PLA1A: variants seen among roughly 807,000 people sequenced by gnomAD.
PLA1A encodes phospholipase A1 member A.
PLA1A carries 47 observed loss-of-function variants against 49.4 expected under a neutral mutation model. That is an observed-to-expected ratio of 0.95 (90% CI 0.75 to 1.21). The LOEUF is 1.21. Among genes scored for constraint, PLA1A ranks in the 50% most tolerant of loss-of-function variants. The pLI, the probability that PLA1A is intolerant of heterozygous loss-of-function variation, is 0.00. For missense variants in PLA1A, 561 were observed against 563.9 expected (o/e 0.99, Z 0.05); for synonymous variants, 224 against 207.9 (o/e 1.08, Z -0.67).
chr3:119,624,918 A>C (rs1286901613), intron 8 of PLA1A, among the ~76,000 whole-genome samples: 1 of 152,236 alleles, frequency 6.6e-6, no homozygotes, highest in Non-Finnish European at 1.5e-5. Flanking sequence ...GGCGTGAACC[A>C]CTGCGCCCAG....
intron 7 of PLA1A, among the ~76,000 whole-genome samples, chr3:119,618,764 G>A (rs768637056): frequency 2.0e-5 from 3 of 151,926 alleles, no homozygotes; most frequent in Non-Finnish European, 4.4e-5. Flanking sequence ...GGTTATCCAG[G>A]ATGAAGAGCT....
rs866621461 is a variant in PLA1A at position 119,625,041 on chromosome 3, C to T, written c.1013-83C>T. ...CACTAAGAGATAGAGCCAAGATTCC[C>T]AACCACACTGCTGCTCTCTGGGGTT... On this transcript the variant is annotated intron_variant, in intron 8 of 10. Coordinates refer to ENST00000273371, the MANE Select transcript of PLA1A (RefSeq NM_015900.4). The T allele has an allele frequency of 5.6e-5, 45 of 809,750 alleles. No homozygotes were observed. In the Middle Eastern group the frequency reaches 4.5e-3, roughly 81 times the overall value. 50.2% of individuals were successfully genotyped at this position (809,750 alleles called of 1,614,324 possible). A position where few individuals can be genotyped will look rare whatever the true frequency, so the allele number is the denominator to read the frequency against.
intron 1 of PLA1A, among the ~76,000 whole-genome samples, chr3:119,604,939 G>A (rs1261258811): frequency 6.6e-6 from 1 of 152,170 alleles, no homozygotes; most frequent in Admixed American, 6.5e-5. Context: ...ATTTTATTTA[G>A]ATGATATTGA....
At chr3:119,620,820 T>A (rs549139001) in intron 8 of PLA1A, among the ~76,000 whole-genome samples, 2 of 152,336 alleles carry the variant, frequency 1.3e-5, no homozygotes, top group East Asian at 3.9e-4. Flanking sequence ...CCTTATCAGC[T>A]CTTTCAACAA....
intron 5 of PLA1A, among the ~76,000 whole-genome samples, chr3:119,615,582 C>T (rs1337718346): frequency 2.0e-5 from 3 of 151,954 alleles, no homozygotes; most frequent in African/African-American, 4.8e-5. Context: ...GAGGCTGAGG[C>T]GGGTGGATCA....
At chr3:119,600,656 C>T (rs1202256813) in intron 1 of PLA1A, among the ~76,000 whole-genome samples, 1 of 152,200 alleles carries the variant, frequency 6.6e-6, no homozygotes, top group Non-Finnish European at 1.5e-5. Context: ...GGCTGCAGTC[C>T]TCATCTCTAC....
intron 8 of PLA1A, among the ~76,000 whole-genome samples, chr3:119,622,995 T>G (rs1466618427): frequency 6.6e-6 from 1 of 151,870 alleles, no homozygotes; most frequent in African/African-American, 2.4e-5. Context: ...CCCTGCTAAT[T>G]TTTTTGTATT....
chr3:119,619,728 G>T, intron 8 of PLA1A, 76 bp downstream of exon 8: 1 of 1,010,530 alleles, frequency 9.9e-7, no homozygotes. Context: ...TGGTAGCCTG[G>T]GTGGGAGTGA....
At position 119,628,738 on chromosome 3, in the gene PLA1A, C is replaced by T; in HGVS notation, c.1159C>T (p.His387Tyr). 1 of 1,614,064 alleles carries T rather than the reference C, an allele frequency of 6.2e-7. No individual in the cohort carries two copies. The highest frequency in any genetic ancestry group is 8.5e-7 in the Non-Finnish European group (1 of 1,179,932). ...ACGCTATGGGAAAGGAATCATAGCC[C>T]ATGCCACCCCACAATGCCAGATAAA... is the stretch of plus-strand genomic sequence containing the variant. ...QQRYGKGIIAHATPQCQINQV... is the reference protein window; with the variant it reads ...QQRYGKGIIAYATPQCQINQV... The change falls in exon 10 of 11, where the codon CAT (histidine) becomes TAT (tyrosine). Residue 387 changes from histidine to tyrosine, a missense_variant. By Grantham distance (83) the His-to-Tyr change is moderately conservative. Transcript: ENST00000273371.
intron 5 of PLA1A, among the ~76,000 whole-genome samples, chr3:119,614,553 C>A (rs568377328): frequency 7.4e-6 from 1 of 135,686 alleles, no homozygotes; most frequent in Non-Finnish European, 1.5e-5. Context: ...TTGCAGTGAG[C>A]GGAGATCTTG....
At position 119,625,237 on chromosome 3, in the gene PLA1A, G is replaced by A. The variant is rs749727842; in HGVS notation, c.1121+5G>A. The A allele has an allele frequency of 2.2e-5, 35 of 1,574,232 alleles. No homozygotes were observed. Among genetic ancestry groups the A allele is most frequent in the Middle Eastern group, 1.7e-4 (1 of 6,002 alleles). ...CTCTTCATCTAAGATCACCATGTAC[G>A]TAAGTGTCCCACCTGGTTGACTCCT... On this transcript the variant is annotated splice_donor_5th_base_variant and intron_variant, in intron 9 of 10. Coordinates refer to ENST00000273371, the MANE Select transcript of PLA1A (RefSeq NM_015900.4).
chr3:119,628,966 G>A, intron 10 of PLA1A, 101 bp downstream of exon 10: 2 of 943,192 alleles, frequency 2.1e-6, no homozygotes, highest in South Asian at 3.1e-5. Flanking sequence ...TCATCATAGT[G>A]ATTATCATCT....
In PLA1A at chr3:119,628,768, G is replaced by A. The variant is rs1230188556; in HGVS notation, c.1189G>A (p.Val397Met). ...HATPQCQINQ[V>M]KFKFQSSNRV... ...CACCCCACAATGCCAGATAAACCAAGTGAAATTCAAGTTTCAGTCTTCCAA... is the reference window on the plus strand; with the variant it reads ...CACCCCACAATGCCAGATAAACCAAATGAAATTCAAGTTTCAGTCTTCCAA... The change falls in exon 10 of 11, where the codon GTG becomes ATG. Residue 397 changes from valine to methionine, a missense_variant. By Grantham distance (21) the Val-to-Met change is conservative. Transcript: ENST00000273371. 2.5e-6 allele frequency: 4 copies of A among 1,614,076 alleles called. No homozygotes were observed. The highest frequency in any genetic ancestry group is 3.4e-6 in the Non-Finnish European group (4 of 1,179,920).
chr3:119,609,499 T>A lies in PLA1A; in HGVS notation c.485T>A (p.Ile162Asn). ...GGTGTGTCGGAATCCTCAATCCACA[T>A]CATTGGTGTTAGCCTGGGGGCCCAC... ...VLGVSESSIH[I>N]IGVSLGAHVG... The change falls in exon 4 of 11, where the codon ATC (isoleucine) becomes AAC (asparagine). Residue 162 changes from isoleucine to asparagine, a missense_variant. Transcript: ENST00000273371. 1 of 1,612,796 alleles carries A rather than the reference T, an allele frequency of 6.2e-7. No individual in the cohort carries two copies. The highest frequency in any genetic ancestry group is 8.5e-7 in the Non-Finnish European group (1 of 1,178,884).
At chr3:119,620,445 A>G (rs993802560) in intron 8 of PLA1A, among the ~76,000 whole-genome samples, 2 of 152,158 alleles carry the variant, frequency 1.3e-5, no homozygotes, top group East Asian at 1.9e-4. Flanking sequence ...GCCATATGAC[A>G]TGGAGCCTAG....
Position 119,623,812 on chromosome 3 carries a change from C to T in PLA1A, c.1013-1312C>T, listed in dbSNP as rs9812780. On this transcript the variant is annotated intron_variant, in intron 8 of 10. Coordinates refer to ENST00000273371, the MANE Select transcript of PLA1A (RefSeq NM_015900.4). ...CCATCTCGGCTCACTGCAACCTCTG[C>T]CTCCCGGGTTCAAATGCTTCTCCTG... Among the ~76,000 whole-genome samples, 655 of 150,134 alleles carry T rather than the reference C, an allele frequency of 4.4e-3. 7 individuals carry two copies. The highest frequency in any genetic ancestry group is 0.015 in the African/African-American group (620 of 40,368).
intron 1 of PLA1A, chr3:119,600,524 A>G (rs1233486437): frequency 7.7e-6 from 5 of 647,974 alleles, no homozygotes; most frequent in Non-Finnish European, 1.4e-5. Context: ...GAGCTCCCAA[A>G]GGGCAGTTAT....
chr3:119,613,676 G>A lies in PLA1A; in HGVS notation c.664+558G>A, dbSNP rs891352874. ...TGGGAGGCCAAGGCAGGTGGATCAG[G>A]AGGTCAGGAGATCGAGACCATCCTG... On this transcript the variant is annotated intron_variant, in intron 5 of 10. Coordinates refer to ENST00000273371, the MANE Select transcript of PLA1A (RefSeq NM_015900.4). 1.6e-4 allele frequency among the ~76,000 whole-genome samples: 25 copies of A among 152,278 alleles called. No homozygotes were observed. The East Asian group carries it at 4.6e-3, about 28-fold the overall frequency.
chr3:119,601,331 G>A (rs914010090), intron 1 of PLA1A, among the ~76,000 whole-genome samples: 3 of 152,184 alleles, frequency 2.0e-5, no homozygotes, highest in Non-Finnish European at 4.4e-5. Flanking sequence ...GAGCAGCCCA[G>A]GCGGGTGAAG....
Sources: allele counts gnomAD v4.1 joint callset (sites outside exome capture counted in the v4.1 genomes callset), GRCh38; gene constraint gnomAD v4.1.1; transcripts MANE v1.5; gene names NCBI Gene and HGNC (gene_info 2026-07-23, HGNC 2026-07-21).